Variants in USP34 observed in about 807,000 individuals in gnomAD.
USP34 encodes ubiquitin carboxyl-terminal hydrolase 34.
A neutral mutation model predicts 460.3 loss-of-function variants in USP34; 70 were observed. The observed-to-expected ratio is 0.15, with a 90% CI of 0.13 to 0.19. USP34 has a LOEUF of 0.19. Among genes scored for constraint, USP34 ranks in the 10% least tolerant of loss-of-function variants. The pLI is 1.00. For synonymous variants in USP34, 1,647 were observed against 1,405.3 expected, an observed-to-expected ratio of 1.17 and a Z score of -3.85; for missense variants, 3,985 against 4,236.2, an observed-to-expected ratio of 0.94 and a Z score of 1.65.
chr2:61,271,860 T>G (rs115904271), intron 41 of USP34, among the ~76,000 whole-genome samples: 1 of 152,218 alleles, frequency 6.6e-6, no homozygotes, highest in Non-Finnish European at 1.5e-5. Flanking sequence ...TTTTTAAAAA[T>G]ACTTAAGGAA....
intron 1 of USP34, among the ~76,000 whole-genome samples, chr2:61,446,831 A>G (rs1341737623): frequency 6.6e-6 from 1 of 151,410 alleles, no homozygotes; most frequent in Non-Finnish European, 1.5e-5. Context: ...GATCTACTTT[A>G]CCCTCTGAGT....
At chr2:61,275,098 G>C (rs909439140) in intron 41 of USP34, among the ~76,000 whole-genome samples, 1 of 151,964 alleles carries the variant, frequency 6.6e-6, no homozygotes, top group African/African-American at 2.4e-5. Flanking sequence ...GCAACATGGC[G>C]AAATCCCGTC....
intron 51 of USP34, among the ~76,000 whole-genome samples, chr2:61,242,500 C>T (rs1189588404): frequency 6.9e-6 from 1 of 144,118 alleles, no homozygotes; most frequent in Non-Finnish European, 1.5e-5. Context: ...CACACACACA[C>T]ACGATGCAAA....
intron 2 of USP34, among the ~76,000 whole-genome samples, chr2:61,414,420 A>C (rs1694136860): frequency 6.6e-6 from 1 of 152,208 alleles, no homozygotes. Context: ...AAGATCTATC[A>C]ATAAGTATAA....
intron 1 of USP34, among the ~76,000 whole-genome samples, chr2:61,434,905 A>G (rs1694770987): frequency 6.6e-6 from 1 of 152,214 alleles, no homozygotes; most frequent in African/African-American, 2.4e-5. Flanking sequence ...AAAATGCCAG[A>G]AAAAGAACTC....
At chr2:61,416,190 A>T (rs1244924298) in intron 2 of USP34, among the ~76,000 whole-genome samples, 1 of 152,242 alleles carries the variant, frequency 6.6e-6, no homozygotes, top group Non-Finnish European at 1.5e-5. Context: ...TTGGTCCAAC[A>T]AATTTCTTGA....
intron 75 of USP34, chr2:61,200,032 G>C (rs895655241): frequency 1.3e-5 from 2 of 152,264 alleles, no homozygotes; most frequent in Non-Finnish European, 2.9e-5. Context: ...TTTTTCGAGA[G>C]CTTTTTTAGG....
chr2:61,379,400 G>A (rs949223674), intron 7 of USP34, among the ~76,000 whole-genome samples: 4 of 152,016 alleles, frequency 2.6e-5, no homozygotes, highest in African/African-American at 9.7e-5. Context: ...CACACCTGTA[G>A]TCCCTGCTAC....
chr2:61,468,171 A>G (rs112257483), intron 1 of USP34, among the ~76,000 whole-genome samples: 2,209 of 152,300 alleles, frequency 0.015, 57 homozygotes, highest in African/African-American at 0.05. Flanking sequence ...TAAACTACAC[A>G]TGTAATTGTT....
intron 2 of USP34, among the ~76,000 whole-genome samples, chr2:61,416,693 C>T (rs921793727): frequency 6.6e-6 from 1 of 152,208 alleles, no homozygotes; most frequent in African/African-American, 2.4e-5. Context: ...ATTTATTCTC[C>T]TATTCCTTTC....
intron 1 of USP34, among the ~76,000 whole-genome samples, chr2:61,444,464 C>T (rs955588640): frequency 6.6e-6 from 1 of 151,892 alleles, no homozygotes; most frequent in African/African-American, 2.4e-5. Context: ...GAAGGAAGAT[C>T]AAAAGGTGAT....
rs528572554 is a variant in USP34 at position 61,244,190 on chromosome 2, C to T, written c.6627+1020G>A. On this transcript the variant is annotated intron_variant, in intron 51 of 79. Coordinates refer to ENST00000398571, the MANE Select transcript of USP34 (RefSeq NM_014709.4). ...ACTTTATTTGGGCTAATCTATGAAA[C>T]GGAAATGACTAATATTTGTCTTGTG... 3.9e-5 allele frequency among the ~76,000 whole-genome samples: 6 copies of T among 152,188 alleles called. No homozygotes were observed. The East Asian group carries it at 9.7e-4, about 24-fold the overall frequency.
At position 61,343,854 on chromosome 2, in the gene USP34, G is replaced by A. The variant is rs1558539889; in HGVS notation, c.2461C>T (p.Pro821Ser). ...ELTSHLQQHL[P>S]NLASIYHEHL... ...TCATGGTAAATGGAAGCTAAATTGG[G>A]AAGATGTTGTTGGAGGTGAGATGTC... Residue 821 changes from proline (P) to serine (S), a missense_variant, in exon 16 of 80, where the codon CCC becomes TCC. Coordinates refer to ENST00000398571, the MANE Select transcript of USP34 (RefSeq NM_014709.4). The A allele has an allele frequency of 1.9e-6, 3 of 1,613,834 alleles. No homozygotes were observed. In the Admixed American group the frequency reaches 5.0e-5, roughly 27 times the overall value.
At chr2:61,435,580 A>C (rs943686413) in intron 1 of USP34, among the ~76,000 whole-genome samples, 2 of 152,212 alleles carry the variant, frequency 1.3e-5, no homozygotes, top group African/African-American at 4.8e-5. Flanking sequence ...AGATTGCCTT[A>C]TAAGAAATGC....
chr2:61,412,824 G>A (rs1345399216), intron 2 of USP34, among the ~76,000 whole-genome samples: 1 of 150,612 alleles, frequency 6.6e-6, no homozygotes, highest in African/African-American at 2.5e-5. Context: ...AGGAAGTCGA[G>A]GCCGCAGTGA....
At chr2:61,434,116 G>T (rs555281308) in intron 1 of USP34, among the ~76,000 whole-genome samples, 33 of 152,266 alleles carry the variant, frequency 2.2e-4, no homozygotes, top group African/African-American at 7.9e-4. Context: ...TACACCCCAA[G>T]GTTAGTGAAG....
intron 7 of USP34, among the ~76,000 whole-genome samples, chr2:61,378,849 G>A (rs1192938055): frequency 7.5e-6 from 1 of 133,668 alleles, no homozygotes; most frequent in African/African-American, 2.7e-5. Flanking sequence ...AGGTTGCAGT[G>A]AGCCAAGATC....
chr2:61,192,484 A>T (rs187721504), intron 76 of USP34, among the ~76,000 whole-genome samples: 29 of 152,342 alleles, frequency 1.9e-4, no homozygotes, highest in African/African-American at 6.7e-4. Flanking sequence ...CAGATTATGA[A>T]AAGCTAAAGG....
chr2:61,347,822 T>C, intron 15 of USP34, 48 bp downstream of exon 15: 2 of 1,588,140 alleles, frequency 1.3e-6, no homozygotes, highest in South Asian at 1.2e-5. Context: ...GATATAATAC[T>C]TCCCTAAAGG....
Sources: gnomAD v4.1 joint callset for allele counts (sites outside exome capture counted in the v4.1 genomes callset) on GRCh38, gnomAD v4.1.1 for gene constraint, MANE v1.5 for transcripts, NCBI Gene and HGNC (gene_info 2026-07-23, HGNC 2026-07-21) for gene names.